The following UVRAG variants were observed in gnomAD, a reference collection of about 807,000 sequenced individuals.
UVRAG encodes UV radiation resistance associated.
UVRAG carries 19 observed loss-of-function variants against 78.0 expected under a neutral mutation model. That is an observed-to-expected ratio of 0.24 (90% CI 0.17 to 0.36). The LOEUF is 0.36. UVRAG is among the 10% of genes least tolerant of loss of function. The pLI, the probability that UVRAG is intolerant of heterozygous loss-of-function variation, is 1.00. For missense variants in UVRAG, 740 were observed against 853.8 expected, an observed-to-expected ratio of 0.87 and a Z score of 1.66; for synonymous variants, 323 against 324.6, an observed-to-expected ratio of 1.00 and a Z score of 0.05.
intron 12 of UVRAG, among the ~76,000 whole-genome samples, chr11:76,021,635 A>G (rs1215443689): frequency 6.6e-6 from 1 of 152,072 alleles, no homozygotes; most frequent in African/African-American, 2.4e-5. Flanking sequence ...TTATAATGTC[A>G]GTGTTTACAC....
chr11:76,076,871 G>T (rs1951413945), intron 13 of UVRAG, among the ~76,000 whole-genome samples: 1 of 150,370 alleles, frequency 6.7e-6, no homozygotes, highest in Non-Finnish European at 1.5e-5. Context: ...AAAAAAATTA[G>T]CAGGGTGTGG....
In UVRAG at chr11:75,882,369, T is replaced by C. The variant is rs560089064; in HGVS notation, c.432+2329T>C. Among the ~76,000 whole-genome samples, 4 of 151,998 alleles carry C rather than the reference T, an allele frequency of 2.6e-5. No individual in the cohort carries two copies. The East Asian group carries it at 7.7e-4, about 29-fold the overall frequency. On this transcript the variant is annotated intron_variant, in intron 4 of 14. Coordinates refer to ENST00000356136, the MANE Select transcript of UVRAG (RefSeq NM_003369.4). ...CTCTACTAAAAATACAAAAATTAAC[T>C]GGGCACAGCGGCATGTGCCTGTAAT...
chr11:75,962,390 A>T (rs555616803), intron 7 of UVRAG, among the ~76,000 whole-genome samples: 84 of 152,272 alleles, frequency 5.5e-4, no homozygotes, highest in African/African-American at 1.8e-3. Flanking sequence ...TTTGCCCAAG[A>T]TAATCATATA....
At chr11:76,010,003 G>A (rs1050983909) in intron 11 of UVRAG, among the ~76,000 whole-genome samples, 3 of 152,164 alleles carry the variant, frequency 2.0e-5, no homozygotes, top group African/African-American at 7.2e-5. Context: ...GGTATTCAGT[G>A]ACTTGCTTGA....
At chr11:75,857,027 TCTTA>T (rs755394143) in intron 2 of UVRAG, among the ~76,000 whole-genome samples, 6 of 152,332 alleles carry the variant, frequency 3.9e-5, no homozygotes, top group Admixed American at 3.3e-4. Flanking sequence ...TACTTTTGGC[TCTTA>T]CTATCAAAAT....
At chr11:75,921,303 G>T (rs1947974829) in intron 6 of UVRAG, among the ~76,000 whole-genome samples, 1 of 152,128 alleles carries the variant, frequency 6.6e-6, no homozygotes, top group Non-Finnish European at 1.5e-5. Flanking sequence ...TGTCAGCCTG[G>T]TGCAAGTACT....
At chr11:75,936,069 G>A (rs1271972471) in intron 6 of UVRAG, among the ~76,000 whole-genome samples, 2 of 152,194 alleles carry the variant, frequency 1.3e-5, no homozygotes, top group African/African-American at 4.8e-5. Context: ...TTTGTCTGAT[G>A]TTTCCTGGTG....
chr11:76,030,950 T>C (rs1398783700), intron 12 of UVRAG, among the ~76,000 whole-genome samples: 1 of 152,198 alleles, frequency 6.6e-6, no homozygotes, highest in East Asian at 1.9e-4. Context: ...GTCTGAAATA[T>C]TTTCAGGGTA....
chr11:76,090,285 T>TA (rs780921979), intron 13 of UVRAG, among the ~76,000 whole-genome samples: 6 of 152,194 alleles, frequency 3.9e-5, no homozygotes, highest in Non-Finnish European at 7.3e-5. Flanking sequence ...GTTAAGTCTC[T>TA]ACCCCAAAGT....
rs200368485 is a variant in UVRAG at position 76,111,773 on chromosome 11, T to TC, written c.1306-4145dup. 6.2e-3 allele frequency among the ~76,000 whole-genome samples: 933 copies of TC among 151,574 alleles called. 7 individuals are homozygous for TC. The highest frequency in any genetic ancestry group is 0.022 in the African/African-American group (894 of 41,292). ...CATCCACTCATTCTGCAATGAACCC[T>TC]CCCCCCACAGCCAGTCATCAAGCAC... On this transcript the variant is annotated intron_variant, in intron 13 of 14. Transcript: ENST00000356136.
At chr11:75,960,230 A>C (rs2135198563) in intron 6 of UVRAG, among the ~76,000 whole-genome samples, 1 of 151,656 alleles carries the variant, frequency 6.6e-6, no homozygotes, top group South Asian at 2.1e-4. Flanking sequence ...CTTTTTTTTA[A>C]ATATCTATGA....
At chr11:75,954,222 T>A (rs1343991214) in intron 6 of UVRAG, among the ~76,000 whole-genome samples, 2 of 152,216 alleles carry the variant, frequency 1.3e-5, no homozygotes, top group African/African-American at 4.8e-5. Flanking sequence ...TGACTCTGTC[T>A]GTGTGTTTTA....
At chr11:75,969,289 C>G (rs75080505) in intron 7 of UVRAG, among the ~76,000 whole-genome samples, 1 of 152,188 alleles carries the variant, frequency 6.6e-6, no homozygotes, top group Non-Finnish European at 1.5e-5. Flanking sequence ...TGTCCTCAAG[C>G]TTCATCCATG....
chr11:76,109,693 G>C (rs908841497), intron 13 of UVRAG, among the ~76,000 whole-genome samples: 3 of 152,182 alleles, frequency 2.0e-5, no homozygotes, highest in Non-Finnish European at 4.4e-5. Flanking sequence ...AGAACGTGTG[G>C]AGACTTAGTA....
At chr11:75,938,908 A>G (rs933130628) in intron 6 of UVRAG, among the ~76,000 whole-genome samples, 16 of 152,144 alleles carry the variant, frequency 1.1e-4, no homozygotes, top group Middle Eastern at 3.4e-3. Flanking sequence ...TCTTTCTTCT[A>G]CACTCAGGTA....
At chr11:75,944,617 G>A (rs183317103) in intron 6 of UVRAG, among the ~76,000 whole-genome samples, 18 of 152,228 alleles carry the variant, frequency 1.2e-4, no homozygotes, top group Non-Finnish European at 2.2e-4. Context: ...GGGAGACATG[G>A]TTTTTCCTCT....
At chr11:76,007,499 T>C in intron 9 of UVRAG, 35 bp from the exon 10 acceptor site, 2 of 1,497,994 alleles carry the variant, frequency 1.3e-6, no homozygotes, top group Non-Finnish European at 1.8e-6. Flanking sequence ...CAAGCATATA[T>C]TTTTTAATAA....
intron 12 of UVRAG, among the ~76,000 whole-genome samples, chr11:76,062,651 A>G (rs1014603820): frequency 6.6e-6 from 1 of 152,216 alleles, no homozygotes; most frequent in Admixed American, 6.5e-5. Context: ...TCTCTAAAGC[A>G]TTCAGAGGCA....
intron 3 of UVRAG, among the ~76,000 whole-genome samples, chr11:75,865,110 A>G (rs1280081643): frequency 6.6e-6 from 1 of 152,068 alleles, no homozygotes; most frequent in African/African-American, 2.4e-5. Flanking sequence ...CAACATGGAG[A>G]ATCCCCATCT....
Sources: allele counts gnomAD v4.1 joint callset (sites outside exome capture counted in the v4.1 genomes callset), GRCh38; gene constraint gnomAD v4.1.1; transcripts MANE v1.5; gene names NCBI Gene and HGNC (gene_info 2026-07-23, HGNC 2026-07-21).